TSBP1: variants seen among roughly 807,000 people sequenced by gnomAD.
TSBP1 encodes the protein testis expressed basic protein 1.
Under a neutral mutation model 68.8 loss-of-function variants are expected in TSBP1, and 56 were observed. That is an observed-to-expected ratio of 0.81 (90% CI 0.66 to 1.02). The LOEUF (loss-of-function observed/expected upper bound fraction) is 1.02. Ranked by LOEUF, TSBP1 falls within the 50% of genes least tolerant of loss-of-function variation. The pLI is 0.00. For synonymous variants in TSBP1, 171 were observed against 208.7 expected (o/e 0.82, Z 1.56); for missense variants, 502 against 641.2 (o/e 0.78, Z 2.34).
At chr6:32,351,108 G>A (rs1217948035) in intron 8 of TSBP1, among the ~76,000 whole-genome samples, 1 of 152,122 alleles carries the variant, frequency 6.6e-6, no homozygotes, top group African/African-American at 2.4e-5. Context: ...ATTTGTTAGA[G>A]CAGCTATAGA....
At chr6:32,327,196 C>A (rs988750360) in intron 16 of TSBP1, among the ~76,000 whole-genome samples, 2 of 152,154 alleles carry the variant, frequency 1.3e-5, no homozygotes, top group Non-Finnish European at 2.9e-5. Flanking sequence ...TTTCTACACA[C>A]ACAAGACAGA....
chr6:32,295,649 G>C (rs1209445854), intron 22 of TSBP1, among the ~76,000 whole-genome samples: 1 of 152,122 alleles, frequency 6.6e-6, no homozygotes, highest in Non-Finnish European at 1.5e-5. Flanking sequence ...GAGGTGTTAT[G>C]AGATTAAATA....
Position 32,361,143 on chromosome 6 carries a change from C to G in TSBP1, c.217+5024G>C, listed in dbSNP as rs755044783. ...GAACATGCAGTGTTTGGTTTTCTGTCCTTGCAATAGTTTGCTGAGAATGAT... is the reference window on the plus strand; with the variant it reads ...GAACATGCAGTGTTTGGTTTTCTGTGCTTGCAATAGTTTGCTGAGAATGAT... On this transcript the variant is annotated intron_variant, in intron 6 of 22. Coordinates refer to ENST00000612031, the Ensembl canonical transcript of TSBP1. The surrounding 1 kb of genome is among the most constrained non-coding windows in gnomAD (Gnocchi z 4.3). 1.3e-5 allele frequency among the ~76,000 whole-genome samples: 2 copies of G among 152,080 alleles called. No individual in the cohort carries two copies. Among genetic ancestry groups the G allele is most frequent in the Non-Finnish European group, 2.9e-5 (2 of 68,032 alleles).
At chr6:32,366,413 G>T in intron 4 of TSBP1, 111 bp from the exon 5 acceptor site, 1 of 1,038,970 alleles carries the variant, frequency 9.6e-7, no homozygotes, top group Non-Finnish European at 1.5e-6. Flanking sequence ...TCTCTGAGAA[G>T]AAAAATCTTT....
chr6:32,305,939 A>G lies in TSBP1; in HGVS notation c.581-3310T>C, dbSNP rs115047793. On this transcript the variant is annotated intron_variant, in intron 19 of 22. Transcript: ENST00000612031. ...GAAGAACTGGCTCACTTAATAAGAG[A>G]CATAGCAGGAGTTTAAGGGGCATAA... Among the ~76,000 whole-genome samples the G allele has an allele frequency of 4.2e-3, 645 of 152,360 alleles. 1 individual carries two copies. Among genetic ancestry groups the G allele is most frequent in the Non-Finnish European group, 7.3e-3 (499 of 68,030 alleles).
At position 32,314,741 on chromosome 6, in the gene TSBP1, G is replaced by A. The variant is rs886558180; in HGVS notation, c.580+1031C>T. 6.6e-6 allele frequency among the ~76,000 whole-genome samples: 1 copy of A among 152,190 alleles called. No individual in the cohort carries two copies. ...ATCCAGAGTGTGTTTAGAAGGAACT[G>A]GAGGAGGATATATAAGCATATTTGA... On this transcript the variant is annotated intron_variant, in intron 19 of 22. Transcript: ENST00000612031. The surrounding 1 kb of genome is among the most constrained non-coding windows in gnomAD (Gnocchi z 4.2).
chr6:32,325,503 C>T lies in TSBP1; in HGVS notation c.515-1889G>A. The T allele has an allele frequency of 1.1e-6, 1 of 892,044 alleles. No homozygotes were observed. The highest frequency in any genetic ancestry group is 1.9e-6 in the Non-Finnish European group (1 of 537,504). 55.3% of individuals were successfully genotyped at this position (892,044 alleles called of 1,614,324 possible). Reference sequence around the variant, plus strand: ...GAGAGCTGTCTCAAGAGAAGATTCTCAAATACCAGGTGCCCACTTAACTGT... The same window carrying T: ...GAGAGCTGTCTCAAGAGAAGATTCTTAAATACCAGGTGCCCACTTAACTGT... On this transcript the variant is annotated intron_variant, in intron 16 of 22. Coordinates refer to ENST00000612031, the Ensembl canonical transcript of TSBP1. This position sits in a 1 kb window ranked among gnomAD's most constrained non-coding sequence, Gnocchi z 4.4.
chr6:32,338,004 G>T lies in TSBP1; in HGVS notation c.409+975C>A, dbSNP rs1583094910. 6.6e-6 allele frequency among the ~76,000 whole-genome samples: 1 copy of T among 152,270 alleles called. No homozygotes were observed. The highest frequency in any genetic ancestry group is 2.4e-5 in the African/African-American group (1 of 41,546). Reference sequence around the variant, plus strand: ...TCAAGCTCTGAACATCCTCAAAAATGAAGGATAGAAATGTGTTAAGAAGTG... The same window carrying T: ...TCAAGCTCTGAACATCCTCAAAAATTAAGGATAGAAATGTGTTAAGAAGTG... On this transcript the variant is annotated intron_variant, in intron 11 of 22. Coordinates refer to ENST00000612031, the Ensembl canonical transcript of TSBP1. The surrounding 1 kb of genome is among the most constrained non-coding windows in gnomAD (Gnocchi z 5.5).
intron 22 of TSBP1, among the ~76,000 whole-genome samples, chr6:32,296,670 A>G (rs1764761149): frequency 6.6e-6 from 1 of 152,200 alleles, no homozygotes; most frequent in African/African-American, 2.4e-5. Flanking sequence ...ATTTCATGGA[A>G]TGTACTCCTC....
At chr6:32,330,722 G>A in intron 15 of TSBP1, 113 bp from the exon 17 acceptor site, 1 of 1,265,538 alleles carries the variant, frequency 7.9e-7, no homozygotes, top group Admixed American at 2.7e-5. Context: ...CCAGGCTGGA[G>A]TGTGGTAGGG....
chr6:32,367,084 T>C (rs1773828836), intron 4 of TSBP1, among the ~76,000 whole-genome samples: 1 of 151,912 alleles, frequency 6.6e-6, no homozygotes, highest in East Asian at 1.9e-4. Context: ...TGTGTAATTA[T>C]TTCCACATCC....
chr6:32,303,016 G>C (rs867331686), intron 19 of TSBP1, among the ~76,000 whole-genome samples: 2 of 152,194 alleles, frequency 1.3e-5, no homozygotes, highest in African/African-American at 4.8e-5. Context: ...GATGGCCCTG[G>C]AAGATCTGTC....
rs1033497 is a variant in TSBP1, at chr6:32,340,285, A to T, written c.350-647T>A. Among the ~76,000 whole-genome samples, 1 of 151,996 alleles carries T rather than the reference A, an allele frequency of 6.6e-6. No homozygotes were observed. The highest frequency in any genetic ancestry group is 6.6e-5 in the Admixed American group (1 of 15,260). ...AAATTTTGCAATTTTTTTTCTTAAA[A>T]TAATTGAATAATTTGTTTCCTTCTT... On this transcript the variant is annotated intron_variant, in intron 9 of 22. Transcript: ENST00000612031. The surrounding 1 kb of genome is among the most constrained non-coding windows in gnomAD (Gnocchi z 4.8).
At chr6:32,344,872 TG>T (rs1374436507) in intron 9 of TSBP1, among the ~76,000 whole-genome samples, 1 of 113,870 alleles carries the variant, frequency 8.8e-6, no homozygotes, top group Non-Finnish European at 1.9e-5. Flanking sequence ...GGGGCTGGGG[TG>T]GGGGGGACAG....
At chr6:32,318,653 T>C (rs879754763) in intron 18 of TSBP1, among the ~76,000 whole-genome samples, 21 of 152,182 alleles carry the variant, frequency 1.4e-4, no homozygotes, top group Admixed American at 6.5e-4. Context: ...ACAAAAGACC[T>C]CCTATTGTTT....
rs1766897091 is a variant in TSBP1 at position 32,315,860 on chromosome 6, A to C, written c.560-68T>G. The C allele has an allele frequency of 9.2e-7, 1 of 1,088,722 alleles. No individual in the cohort carries two copies. Among genetic ancestry groups the C allele is most frequent in the Non-Finnish European group, 1.3e-6 (1 of 756,474 alleles). 67.4% of individuals were successfully genotyped at this position (1,088,722 alleles called of 1,614,324 possible). A position where few individuals can be genotyped will look rare whatever the true frequency, so the allele number is the denominator to read the frequency against. On this transcript the variant is annotated intron_variant, in intron 18 of 22. Coordinates refer to ENST00000612031, the Ensembl canonical transcript of TSBP1. This position sits in a 1 kb window ranked among gnomAD's most constrained non-coding sequence, Gnocchi z 5.4. ...TGGAGAAAACATAGCATTATCTAAC[A>C]TATTTTGTTGGAGTCTGTGAGGGGA...
At chr6:32,322,771 T>G (rs1767771694) in intron 18 of TSBP1, among the ~76,000 whole-genome samples, 1 of 152,152 alleles carries the variant, frequency 6.6e-6, no homozygotes, top group South Asian at 2.1e-4. Flanking sequence ...CCTGAACAGC[T>G]TTGGGCATAG....
intron 4 of TSBP1, 178 bp from the exon 5 acceptor site, chr6:32,366,480 C>T (rs1424280064): frequency 5.5e-6 from 4 of 726,446 alleles, no homozygotes; most frequent in African/African-American, 3.5e-5. Flanking sequence ...ATAAGTTTAT[C>T]GGGCCGGGCG....
chr6:32,333,724 C>A lies in TSBP1; in HGVS notation c.473-1670G>T, dbSNP rs1287929877. Among the ~76,000 whole-genome samples, 1 of 152,228 alleles carries A rather than the reference C, an allele frequency of 6.6e-6. No homozygotes were observed. Among genetic ancestry groups the A allele is most frequent in the Non-Finnish European group, 1.5e-5 (1 of 68,038 alleles). ...GTTCCCAGATGAGAGCTATGGTAAT[C>A]TTCTAAGTCTGCGTGGTTAGTTGAA... On this transcript the variant is annotated intron_variant, in intron 14 of 22. Coordinates refer to ENST00000612031, the Ensembl canonical transcript of TSBP1. This position sits in a 1 kb window ranked among gnomAD's most constrained non-coding sequence, Gnocchi z 4.2.
Sources: allele counts gnomAD v4.1 joint callset (sites outside exome capture counted in the v4.1 genomes callset), GRCh38; gene constraint gnomAD v4.1.1; non-coding constraint Gnocchi (gnomAD v3.1); transcripts MANE v1.5; gene names NCBI Gene and HGNC (gene_info 2026-07-23, HGNC 2026-07-21).